Variants in PDZRN3 observed in about 807,000 individuals in gnomAD.
The protein encoded by PDZRN3 is E3 ubiquitin-protein ligase PDZRN3.
PDZRN3 carries 38 observed loss-of-function variants against 85.7 expected under a neutral mutation model. That is an observed-to-expected ratio of 0.44 (90% CI 0.34 to 0.58). The LOEUF is 0.58. PDZRN3 is among the 20% of genes least tolerant of loss of function. The probability of loss-of-function intolerance (pLI) is 0.01; values close to 1 mark genes in which losing one functional copy is unlikely to be tolerated. For missense variants in PDZRN3, 1,629 were observed against 1,506.4 expected, an observed-to-expected ratio of 1.08 and a Z score of -1.35; for synonymous variants, 759 against 638.0, an observed-to-expected ratio of 1.19 and a Z score of -2.86.
rs183551138 is a variant in PDZRN3 at position 73,505,173 on chromosome 3, C to A, written c.918+97181G>T. On this transcript the variant is annotated intron_variant, in intron 3 of 9. Transcript: ENST00000263666. ...AAAGATTTTGCTTTTTAATTAAGAACTAAACTATACTTTTATACACGATGA... is the reference window on the plus strand; with the variant it reads ...AAAGATTTTGCTTTTTAATTAAGAAATAAACTATACTTTTATACACGATGA... Among the ~76,000 whole-genome samples the A allele has an allele frequency of 3.7e-4, 57 of 152,304 alleles. 5 individuals are homozygous for A. The highest frequency in any genetic ancestry group is 1.9e-3 in the Admixed American group (29 of 15,298).
Position 73,400,947 on chromosome 3 carries a change from A to G in PDZRN3, c.1229T>C (p.Met410Thr). 1.2e-6 allele frequency: 2 copies of G among 1,613,462 alleles called. No individual in the cohort carries two copies. The highest frequency in any genetic ancestry group is 2.2e-5 in the East Asian group (1 of 44,870). Reference sequence around the variant, plus strand: ...CTCCAGCTCCAGCTCCTCCCTGTCCATCTCCTGATGGATGTCTCCAATGTA... The same window carrying G: ...CTCCAGCTCCAGCTCCTCCCTGTCCGTCTCCTGATGGATGTCTCCAATGTA... The part of the protein sequence containing the change: ...NDYIGDIHQE[M>T]DREELELEEV... Residue 410 changes from methionine to threonine, a missense_variant, in exon 5 of 10, where the codon ATG becomes ACG. By Grantham distance (81) the Met-to-Thr change is moderately conservative (BLOSUM62 -1). Transcript: ENST00000263666.
intron 3 of PDZRN3, among the ~76,000 whole-genome samples, chr3:73,600,304 AACACACACAC>A (rs35396413): frequency 8.0e-6 from 1 of 124,402 alleles, no homozygotes; most frequent in Non-Finnish European, 1.6e-5. Context: ...TTAGTAATGA[AACACACACAC>A]ACACACACAC....
At chr3:73,428,935 G>A (rs1396882633) in intron 3 of PDZRN3, among the ~76,000 whole-genome samples, 2 of 151,752 alleles carry the variant, frequency 1.3e-5, no homozygotes, top group Admixed American at 1.3e-4. Context: ...CTCTGTCACT[G>A]TCACCCAGGC....
chr3:73,392,408 A>G (rs1701546962), intron 5 of PDZRN3, among the ~76,000 whole-genome samples: 1 of 152,214 alleles, frequency 6.6e-6, no homozygotes, highest in South Asian at 2.1e-4. Flanking sequence ...TATGGGGTAT[A>G]ATGTGGTGGG....
chr3:73,422,499 GA>G (rs1021146198), intron 3 of PDZRN3, among the ~76,000 whole-genome samples: 3 of 151,872 alleles, frequency 2.0e-5, no homozygotes, highest in African/African-American at 7.3e-5. Flanking sequence ...ATGAGGACAG[GA>G]AAAAAAATCA....
chr3:73,508,252 C>T (rs891316693), intron 3 of PDZRN3, among the ~76,000 whole-genome samples: 5 of 152,222 alleles, frequency 3.3e-5, no homozygotes, highest in Non-Finnish European at 5.9e-5. Context: ...ATAGTGTTGC[C>T]TTGAACAAGG....
chr3:73,474,996 T>A (rs1187694750), intron 3 of PDZRN3, among the ~76,000 whole-genome samples: 1 of 152,138 alleles, frequency 6.6e-6, no homozygotes, highest in Non-Finnish European at 1.5e-5. Flanking sequence ...TATTGAAGCT[T>A]CCAGTACTTA....
chr3:73,591,090 A>G (rs752374828), intron 3 of PDZRN3, among the ~76,000 whole-genome samples: 3 of 152,100 alleles, frequency 2.0e-5, no homozygotes, highest in African/African-American at 2.4e-5. Flanking sequence ...GTATTTTTCA[A>G]TTTTTCTACA....
intron 3 of PDZRN3, among the ~76,000 whole-genome samples, chr3:73,540,174 A>T (rs555851783): frequency 4.6e-4 from 69 of 151,336 alleles, no homozygotes; most frequent in Admixed American, 1.7e-3. Context: ...TTTTAAAAAA[A>T]TTCTCATAAA....
At chr3:73,528,873 T>C (rs949682453) in intron 3 of PDZRN3, among the ~76,000 whole-genome samples, 3 of 146,658 alleles carry the variant, frequency 2.0e-5, no homozygotes, top group Non-Finnish European at 4.5e-5. Context: ...GTCCTAAGAA[T>C]CTTTTGTGGG....
intron 3 of PDZRN3, among the ~76,000 whole-genome samples, chr3:73,455,535 A>G (rs1702960772): frequency 1.3e-5 from 2 of 152,232 alleles, no homozygotes; most frequent in South Asian, 4.1e-4. Flanking sequence ...CTACTTTTTT[A>G]GCCTGCAGAG....
At chr3:73,594,910 A>G (rs578047782) in intron 3 of PDZRN3, among the ~76,000 whole-genome samples, 1 of 152,214 alleles carries the variant, frequency 6.6e-6, no homozygotes, top group Non-Finnish European at 1.5e-5. Flanking sequence ...ACCAAATGAC[A>G]ATGCAATAGT....
intron 3 of PDZRN3, among the ~76,000 whole-genome samples, chr3:73,543,234 C>T (rs1701328135): frequency 6.6e-6 from 1 of 152,228 alleles, no homozygotes. Context: ...CAGTGCCCTG[C>T]ACCTTGGAGG....
At chr3:73,492,144 C>G (rs1017511764) in intron 3 of PDZRN3, among the ~76,000 whole-genome samples, 5 of 152,214 alleles carry the variant, frequency 3.3e-5, no homozygotes, top group African/African-American at 9.7e-5. Flanking sequence ...CTTTCCTGAG[C>G]ATATCAGGCC....
In PDZRN3 at chr3:73,401,199, A is replaced by AG. The variant is rs984517763; in HGVS notation, c.1167-191dup. Reference sequence around the variant, plus strand: ...CATCCTAATTTTACCATTTGCCTTTAGTACATTTCCTCCTGAAGGACTTAA... The same window carrying AG: ...CATCCTAATTTTACCATTTGCCTTTAGGTACATTTCCTCCTGAAGGACTTAA... On this transcript the variant is annotated intron_variant, in intron 4 of 9. Transcript: ENST00000263666. The AG allele has an allele frequency of 2.0e-5, 11 of 539,282 alleles. No individual in the cohort carries two copies. In the African/African-American group the frequency reaches 2.1e-4, roughly 10 times the overall value. The allele number at this position is 539,282 out of a possible 1,614,324, so 33.4% of individuals were successfully genotyped here.
At chr3:73,396,288 C>A (rs1701635217) in intron 5 of PDZRN3, among the ~76,000 whole-genome samples, 1 of 152,142 alleles carries the variant, frequency 6.6e-6, no homozygotes, top group African/African-American at 2.4e-5. Flanking sequence ...CAGGGAAGAT[C>A]CTCTGGAGAG....
chr3:73,409,164 GT>G (rs746064501), intron 3 of PDZRN3, among the ~76,000 whole-genome samples: 3 of 151,960 alleles, frequency 2.0e-5, no homozygotes, highest in Non-Finnish European at 2.9e-5. Flanking sequence ...AATCCAATCA[GT>G]TAGTCTGAAG....
intron 2 of PDZRN3, 123 bp from the exon 3 acceptor site, chr3:73,602,584 G>C (rs1702531374): frequency 1.6e-6 from 1 of 612,516 alleles, no homozygotes; most frequent in Middle Eastern, 3.1e-4. Flanking sequence ...AGGGTAAAAG[G>C]TATTTGTTTC....
chr3:73,573,336 G>A (rs896814941), intron 3 of PDZRN3, among the ~76,000 whole-genome samples: 1 of 152,184 alleles, frequency 6.6e-6, no homozygotes, highest in Non-Finnish European at 1.5e-5. Context: ...GGGAAGACGA[G>A]GAGGCAAAGT....
Sources: gnomAD v4.1 joint callset for allele counts (sites outside exome capture counted in the v4.1 genomes callset) on GRCh38, gnomAD v4.1.1 for gene constraint, MANE v1.5 for transcripts, NCBI Gene and HGNC (gene_info 2026-07-23, HGNC 2026-07-21) for gene names.